CCDC102B: variants seen among roughly 807,000 people sequenced by gnomAD.
The protein encoded by CCDC102B is coiled-coil domain-containing protein 102B.
Under a neutral mutation model 57.4 loss-of-function variants are expected in CCDC102B, and 75 were observed. The ratio of observed to expected loss-of-function variants is 1.31; its 90% CI spans 1.08 to 1.58. The LOEUF (loss-of-function observed/expected upper bound fraction) is 1.58. Among genes scored for constraint, CCDC102B ranks in the 40% most tolerant of loss-of-function variants. The pLI is 0.00. For missense variants in CCDC102B, 636 were observed against 582.6 expected (o/e 1.09, Z -0.94); for synonymous variants, 206 against 201.9 (o/e 1.02, Z -0.17).
intron 7 of CCDC102B, among the ~76,000 whole-genome samples, chr18:69,035,573 GTAACAAATGCTATATACA>G (rs2052268485): frequency 6.6e-6 from 1 of 152,080 alleles, no homozygotes; most frequent in African/African-American, 2.4e-5. Context: ...GTAGAATCAT[GTAACAAATGCTATATACA>G]TAGCAAATTT....
intron 2 of CCDC102B, among the ~76,000 whole-genome samples, chr18:68,765,074 T>TAAATAAATAAGC (rs1053677471): frequency 6.8e-6 from 1 of 147,914 alleles, no homozygotes; most frequent in African/African-American, 2.5e-5. Flanking sequence ...AATAAATAAA[T>TAAATAAATAAGC]AAGCTGGGGA....
intron 6 of CCDC102B, chr18:68,900,175 G>A (rs1360880427): frequency 6.6e-6 from 1 of 152,108 alleles, no homozygotes; most frequent in African/African-American, 2.4e-5. Flanking sequence ...CAGCATAATT[G>A]ACAAAACAAC....
At chr18:68,961,305 C>T (rs2050042179) in intron 6 of CCDC102B, among the ~76,000 whole-genome samples, 1 of 151,624 alleles carries the variant, frequency 6.6e-6, no homozygotes. Flanking sequence ...ATTTTTTATA[C>T]AAAATTGTTT....
chr18:69,009,865 C>T (rs9957872), intron 6 of CCDC102B, among the ~76,000 whole-genome samples: 184 of 143,546 alleles, frequency 1.3e-3, no homozygotes, highest in African/African-American at 4.1e-3. Context: ...GGTTTTCCTA[C>T]AGTATTATAA....
chr18:68,901,858 G>A (rs1303088545), intron 6 of CCDC102B, among the ~76,000 whole-genome samples: 2 of 152,070 alleles, frequency 1.3e-5, no homozygotes, highest in African/African-American at 4.8e-5. Flanking sequence ...TCATCCTCAG[G>A]TCATGAAATA....
intron 6 of CCDC102B, among the ~76,000 whole-genome samples, chr18:68,949,133 G>A (rs2049624205): frequency 6.6e-6 from 1 of 152,092 alleles, no homozygotes; most frequent in Non-Finnish European, 1.5e-5. Flanking sequence ...CAGTGGATTA[G>A]ATGGTGCTCA....
intron 6 of CCDC102B, among the ~76,000 whole-genome samples, chr18:68,997,918 G>T (rs1490929724): frequency 6.6e-6 from 1 of 151,910 alleles, no homozygotes; most frequent in Non-Finnish European, 1.5e-5. Context: ...TTTCTGTTGT[G>T]TTTGTTTACT....
intron 3 of CCDC102B, among the ~76,000 whole-genome samples, chr18:68,843,201 G>T (rs1341551380): frequency 6.6e-6 from 1 of 152,106 alleles, no homozygotes; most frequent in African/African-American, 2.4e-5. Context: ...AAGTATATTT[G>T]TAAAAACTTG....
At chr18:68,897,583 A>T (rs1037082160) in intron 6 of CCDC102B, 155 bp downstream of exon 6, 2 of 1,579,676 alleles carry the variant, frequency 1.3e-6, no homozygotes, top group Middle Eastern at 1.7e-4. Context: ...ACTAGGATGT[A>T]AAATAACGTT....
At chr18:68,790,255 A>G (rs1259498948) in intron 2 of CCDC102B, among the ~76,000 whole-genome samples, 1 of 151,716 alleles carries the variant, frequency 6.6e-6, no homozygotes, top group East Asian at 1.9e-4. Context: ...GGGACATTTA[A>G]GTCTGCAGAG....
Position 68,857,257 on chromosome 18 carries a change from A to T in CCDC102B, c.936+10836A>T, listed in dbSNP as rs1383041096. Among the ~76,000 whole-genome samples, 56 of 43,954 alleles carry T rather than the reference A, an allele frequency of 1.3e-3. 1 individual carries two copies. Among genetic ancestry groups the T allele is most frequent in the Admixed American group, 3.0e-3 (6 of 2,012 alleles). 28.8% of individuals were successfully genotyped at this position (43,954 alleles called of 152,430 possible). A position where few individuals can be genotyped will look rare whatever the true frequency, so the allele number is the denominator to read the frequency against. On this transcript the variant is annotated intron_variant, in intron 4 of 7. Transcript: ENST00000360242. ...ATATATAAATATATATTTATTATTTAAATATATAAATATATATATAATATA... is the reference window on the plus strand; with the variant it reads ...ATATATAAATATATATTTATTATTTTAATATATAAATATATATATAATATA...
rs1330728303 is a variant in CCDC102B, at chr18:68,798,195, AT to A, written c.-16+15del. 3 of 152,164 alleles carry A rather than the reference AT, an allele frequency of 2.0e-5. No homozygotes were observed. Among genetic ancestry groups the A allele is most frequent in the African/African-American group, 7.2e-5 (3 of 41,438 alleles). 9.4% of individuals were successfully genotyped at this position (152,164 alleles called of 1,614,324 possible). A position where few individuals can be genotyped will look rare whatever the true frequency, so the allele number is the denominator to read the frequency against. ...CAAGCCCAGAGGGTAAGAGTGTTTA[AT>A]AACCTTGTGGTTTTCTATTTAATTT... On this transcript the variant is annotated intron_variant, in intron 1 of 7. Coordinates refer to ENST00000360242, the MANE Select transcript of CCDC102B (RefSeq NM_024781.3).
Position 69,010,984 on chromosome 18 carries a change from G to A in CCDC102B, c.1314G>A (p.Gln438=). ...HAYYKLNRQY[Q]ANIAELTHAN... is the part of the protein sequence containing the mutation. ...ACTATAAACTAAACAGACAATACCA[G>A]GCAAATATTGCAGAACTGACTCATG... Residue 438 remains glutamine, a synonymous_variant, in exon 7 of 8, where the codon CAG becomes CAA. Transcript: ENST00000360242. 2 of 1,612,898 alleles carry A rather than the reference G, an allele frequency of 1.2e-6. No individual in the cohort carries two copies. Among genetic ancestry groups the A allele is most frequent in the Admixed American group, 1.7e-5 (1 of 59,978 alleles).
At chr18:68,987,488 G>A (rs3018228) in intron 6 of CCDC102B, among the ~76,000 whole-genome samples, 20,846 of 152,040 alleles carry the variant, frequency 0.14, 3,226 homozygotes, top group African/African-American at 0.37. Context: ...CTTTCTCAGC[G>A]TCAACCTTGG....
chr18:68,906,356 G>A (rs992304673), intron 6 of CCDC102B, among the ~76,000 whole-genome samples: 1 of 152,094 alleles, frequency 6.6e-6, no homozygotes, highest in African/African-American at 2.4e-5. Context: ...GAGTTGCTGA[G>A]TCAGATGGTA....
chr18:68,972,146 A>T (rs1004369739), intron 6 of CCDC102B, among the ~76,000 whole-genome samples: 7 of 152,170 alleles, frequency 4.6e-5, no homozygotes, highest in Non-Finnish European at 8.8e-5. Flanking sequence ...TGCATCCTGA[A>T]TTCTTTCCTT....
At chr18:68,996,982 G>A (rs1386876466) in intron 6 of CCDC102B, among the ~76,000 whole-genome samples, 1 of 152,158 alleles carries the variant, frequency 6.6e-6, no homozygotes, top group East Asian at 1.9e-4. Flanking sequence ...AATTATGGGG[G>A]TGATTTCCCT....
chr18:68,881,539 G>A (rs1445276170), intron 5 of CCDC102B, among the ~76,000 whole-genome samples: 1 of 152,164 alleles, frequency 6.6e-6, no homozygotes, highest in Non-Finnish European at 1.5e-5. Context: ...GGTGCATTGA[G>A]TAAAGCAGAT....
chr18:68,861,937 GTGAT>G (rs2038777818), intron 4 of CCDC102B, among the ~76,000 whole-genome samples: 1 of 152,094 alleles, frequency 6.6e-6, no homozygotes, highest in South Asian at 2.1e-4. Flanking sequence ...ATAATAGAAA[GTGAT>G]TGATTTCTAA....
Sources: allele counts gnomAD v4.1 joint callset (sites outside exome capture counted in the v4.1 genomes callset), GRCh38; gene constraint gnomAD v4.1.1; transcripts MANE v1.5; gene names NCBI Gene and HGNC (gene_info 2026-07-23, HGNC 2026-07-21).